Variants in ST13 observed in about 807,000 individuals in gnomAD.
The protein encoded by ST13 is ST13 Hsp70 interacting protein, also known as hsc70-interacting protein.
Under a neutral mutation model 56.7 loss-of-function variants are expected in ST13, and 23 were observed. The ratio of observed to expected loss-of-function variants is 0.41; its 90% CI spans 0.29 to 0.57. The LOEUF (loss-of-function observed/expected upper bound fraction) is 0.57, where lower values mean the gene tolerates loss of function less well. Ranked by LOEUF, ST13 falls within the 20% of genes least tolerant of loss-of-function variation. The probability of loss-of-function intolerance (pLI) is 0.36; values close to 1 mark genes in which losing one functional copy is unlikely to be tolerated. For missense variants in ST13, 369 were observed against 459.9 expected (o/e 0.80, Z 1.81); for synonymous variants, 132 against 142.4 (o/e 0.93, Z 0.52).
intron 1 of ST13, among the ~76,000 whole-genome samples, chr22:40,851,960 G>A (rs577266399): frequency 5.3e-5 from 8 of 152,222 alleles, no homozygotes; most frequent in Admixed American, 5.2e-4. Context: ...AGCCAGAACG[G>A]TCTCGATCTC....
intron 4 of ST13, 59 bp downstream of exon 4, chr22:40,844,780 C>G: frequency 7.2e-7 from 1 of 1,379,710 alleles, no homozygotes. Flanking sequence ...AAAATCATTG[C>G]AACAGCAGGA....
In ST13 at chr22:40,840,688, G is replaced by A. The variant is rs895810631; in HGVS notation, c.320C>T (p.Thr107Met). ...ATTTGCCTGATCCATCATCTCCTCC[G>A]TTATCTAGGAAGAAAATAAAAATCA... ...QEMGDENAEI[T>M]EEMMDQANDK... Residue 107 changes from threonine (T) to methionine (M), a missense_variant, in exon 5 of 12, where the codon ACG becomes ATG. Thr to Met is a moderately conservative substitution (Grantham distance 81). This residue lies in a region of ST13 where 169 missense variants were observed against 175.6 expected (regional missense o/e 0.96). Transcript: ENST00000216218. 1.9e-6 allele frequency: 3 copies of A among 1,606,860 alleles called. No individual in the cohort carries two copies. Among genetic ancestry groups the A allele is most frequent in the Non-Finnish European group, 2.5e-6 (3 of 1,177,612 alleles).
At chr22:40,854,373 C>T (rs1391133878) in intron 1 of ST13, among the ~76,000 whole-genome samples, 3 of 152,206 alleles carry the variant, frequency 2.0e-5, no homozygotes, top group Non-Finnish European at 4.4e-5. Context: ...AAAGTCCCTA[C>T]ATATGCCATG....
Position 40,848,328 on chromosome 22 carries a change from C to T in ST13, c.210G>A (p.Lys70=), listed in dbSNP as rs2057843392. ...PDSKKVEEDL[K]ADEPSSEESD... ...TTTCCTCACTTGATGGTTCGTCTGC[C>T]TTTAAGTCTTCCTCCACCTTCTTAC... Residue 70 remains lysine, a synonymous_variant, in exon 3 of 12, where the codon AAG becomes AAA. Transcript: ENST00000216218. The T allele has an allele frequency of 2.5e-6, 4 of 1,613,582 alleles. No homozygotes were observed. Among genetic ancestry groups the T allele is most frequent in the Middle Eastern group, 1.7e-4 (1 of 6,050 alleles).
rs1444105793 is a variant in ST13 at position 40,824,587 on chromosome 22, A to G, written c.*1951T>C. The G allele has an allele frequency of 6.6e-6, 1 of 152,224 alleles. No homozygotes were observed. The highest frequency in any genetic ancestry group is 1.5e-5 in the Non-Finnish European group (1 of 68,048). The allele number at this position is 152,224 out of a possible 1,614,324, so 9.4% of individuals were successfully genotyped here. ...ATGGAATTTAAAAATCTAAAAGCAC[A>G]GGACACATTTTCAGAAGAGGAATTT... On this transcript the variant is annotated 3_prime_UTR_variant, in exon 12 of 12. Transcript: ENST00000216218.
rs2057728458 is a variant in ST13 at position 40,826,443 on chromosome 22, A to G, written c.*95T>C. 1 of 1,307,672 alleles carries G rather than the reference A, an allele frequency of 7.6e-7. No homozygotes were observed. The highest frequency in any genetic ancestry group is 1.0e-6 in the Non-Finnish European group (1 of 957,652). The allele number at this position is 1,307,672 out of a possible 1,614,324, so 81.0% of individuals were successfully genotyped here. On this transcript the variant is annotated 3_prime_UTR_variant, in exon 12 of 12. Coordinates refer to ENST00000216218, the MANE Select transcript of ST13 (RefSeq NM_003932.5). ...AAAGCACCCCAGCTCTCTTGATGAG[A>G]AGGTCAGAGGTACACTGGTTTGTAT...
chr22:40,856,569 G>A lies in ST13; in HGVS notation c.-29C>T, dbSNP rs761975022. 1 of 1,587,726 alleles carries A rather than the reference G, an allele frequency of 6.3e-7. No homozygotes were observed. Among genetic ancestry groups the A allele is most frequent in the Non-Finnish European group, 8.6e-7 (1 of 1,158,500 alleles). On this transcript the variant is annotated 5_prime_UTR_variant, in exon 1 of 12. Transcript: ENST00000216218. ...AGGGAGGTGGTGGGCGAAACTGGGGGGGCTACGGCCCGGTTCCAGGCCCAG... is the reference window on the plus strand; with the variant it reads ...AGGGAGGTGGTGGGCGAAACTGGGGAGGCTACGGCCCGGTTCCAGGCCCAG...
At chr22:40,847,085 G>A (rs969765658) in intron 3 of ST13, among the ~76,000 whole-genome samples, 23 of 152,200 alleles carry the variant, frequency 1.5e-4, no homozygotes, top group African/African-American at 5.3e-4. Flanking sequence ...TGATATAAGA[G>A]ACTTCCAAAT....
In ST13 at chr22:40,835,688, T is replaced by C. The variant is rs751303737; in HGVS notation, c.468-18A>G. 5 of 1,607,466 alleles carry C rather than the reference T, an allele frequency of 3.1e-6. No individual in the cohort carries two copies. The highest frequency in any genetic ancestry group is 4.3e-6 in the Non-Finnish European group (5 of 1,173,946). ...CGAAGACACTGAAAAATAAGTGTGT[T>C]ATTAAAAAGTATTCATTTCAGTAAA... On this transcript the variant is annotated intron_variant, in intron 6 of 11. Coordinates refer to ENST00000216218, the MANE Select transcript of ST13 (RefSeq NM_003932.5).
rs149225285 is a variant in ST13 at position 40,836,955 on chromosome 22, A to G, written c.383-1068T>C. Among the ~76,000 whole-genome samples, 167 of 152,272 alleles carry G rather than the reference A, an allele frequency of 1.1e-3. 1 individual carries two copies. The highest frequency in any genetic ancestry group is 3.9e-3 in the African/African-American group (160 of 41,546). ...CTCAGCTTCCTGAGTAGCTGGGAAT[A>G]CAAGCCCACAACACTAAACCTGGCT... is the stretch of plus-strand genomic sequence containing the variant. On this transcript the variant is annotated intron_variant, in intron 5 of 11. Coordinates refer to ENST00000216218, the MANE Select transcript of ST13 (RefSeq NM_003932.5).
intron 2 of ST13, among the ~76,000 whole-genome samples, 195 bp downstream of exon 2, chr22:40,850,628 A>G (rs140624431): frequency 5.3e-4 from 80 of 152,312 alleles, no homozygotes; most frequent in African/African-American, 1.9e-3. Flanking sequence ...CCAACCCTAA[A>G]TTCTCAGTTC....
chr22:40,829,576 A>G (rs751724690), intron 10 of ST13, 50 bp downstream of exon 10: 1 of 866,628 alleles, frequency 1.2e-6, no homozygotes, highest in Non-Finnish European at 1.6e-6. Flanking sequence ...TTATATTAAA[A>G]TATCACTGTA....
At chr22:40,827,886 T>C (rs962839561) in intron 10 of ST13, among the ~76,000 whole-genome samples, 68 of 152,284 alleles carry the variant, frequency 4.5e-4, no homozygotes, top group African/African-American at 1.6e-3. Context: ...CCTTAGATAA[T>C]TATAAATTGT....
intron 1 of ST13, 130 bp from the exon 2 acceptor site, chr22:40,851,010 C>G (rs1489415651): frequency 1.1e-5 from 7 of 634,654 alleles, no homozygotes; most frequent in Admixed American, 6.6e-5. Context: ...AGTAAACTCT[C>G]AATTAATCTG....
At chr22:40,827,447 G>A (rs1423568077) in intron 10 of ST13, among the ~76,000 whole-genome samples, 1 of 152,062 alleles carries the variant, frequency 6.6e-6, no homozygotes, top group African/African-American at 2.4e-5. Flanking sequence ...CTACCTCCTG[G>A]ATTAACTTTT....
Position 40,856,545 on chromosome 22 carries a change from G to C in ST13, c.-5C>G. The C allele has an allele frequency of 1.2e-6, 2 of 1,610,862 alleles. No homozygotes were observed. Among genetic ancestry groups the C allele is most frequent in the Middle Eastern group, 2.1e-4 (1 of 4,658 alleles). On this transcript the variant is annotated 5_prime_UTR_variant, in exon 1 of 12. Transcript: ENST00000216218. ...GTTCACTTTGCGGGGGTCCATGGTA[G>C]GGAGGTGGTGGGCGAAACTGGGGGG... is the stretch of plus-strand genomic sequence containing the variant.
rs566125164 is a variant in ST13 at position 40,856,634 on chromosome 22, C to G, written c.-94G>C. ...TGACCGCGCAGAAGGGGGCGGCTGC[C>G]GCAAGACAGAACAGACTAGAACCTC... On this transcript the variant is annotated 5_prime_UTR_variant, in exon 1 of 12. Transcript: ENST00000216218. The G allele has an allele frequency of 1.1e-5, 11 of 986,214 alleles. No homozygotes were observed. The highest frequency in any genetic ancestry group is 5.6e-5 in the Admixed American group (3 of 53,942). 61.1% of individuals were successfully genotyped at this position (986,214 alleles called of 1,614,324 possible). A position where few individuals can be genotyped will look rare whatever the true frequency, so the allele number is the denominator to read the frequency against.
intron 7 of ST13, 103 bp from the exon 8 acceptor site, chr22:40,832,774 T>G: frequency 1.2e-6 from 1 of 827,962 alleles, no homozygotes; most frequent in South Asian, 1.5e-5. Flanking sequence ...AAAACAGGCT[T>G]AAGTTAAATA....
At chr22:40,850,936 G>T (rs1266722266) in intron 1 of ST13, 56 bp from the exon 2 acceptor site, 6 of 1,343,104 alleles carry the variant, frequency 4.5e-6, no homozygotes, top group African/African-American at 1.5e-5. Flanking sequence ...TCACTGTCAC[G>T]CAACGTATTT....
Sources: gnomAD v4.1 joint callset for allele counts (sites outside exome capture counted in the v4.1 genomes callset) on GRCh38, gnomAD v4.1.1 for gene constraint, gnomAD v4.1.1 regional missense constraint, MANE v1.5 for transcripts, NCBI Gene and HGNC (gene_info 2026-07-23, HGNC 2026-07-21) for gene names.